PIGK: variants seen among roughly 807,000 people sequenced by gnomAD.
PIGK encodes the protein phosphatidylinositol glycan anchor biosynthesis class K, also known as GPI-anchor transamidase.
Under a neutral mutation model 50.6 loss-of-function variants are expected in PIGK, and 42 were observed. The observed-to-expected ratio is 0.83, with a 90% confidence interval of 0.65 to 1.07. The LOEUF is 1.07. Ranked by LOEUF, PIGK falls within the 50% of genes least tolerant of loss-of-function variation. The pLI is 0.00. For synonymous variants in PIGK, 151 were observed against 156.0 expected (o/e 0.97, Z 0.24); for missense variants, 448 against 488.7 (o/e 0.92, Z 0.78).
chr1:77,166,138 T>C (rs1019261258), intron 5 of PIGK, among the ~76,000 whole-genome samples: 1 of 152,214 alleles, frequency 6.6e-6, no homozygotes, highest in Non-Finnish European at 1.5e-5. Context: ...CATATATTAT[T>C]ATGTGTAATA....
Position 77,161,406 on chromosome 1 carries a change from C to A in PIGK, c.703-1G>T. The A allele has an allele frequency of 6.6e-7, 1 of 1,514,970 alleles. No individual in the cohort carries two copies. The highest frequency in any genetic ancestry group is 2.3e-5 in the East Asian group (1 of 44,306). The allele number at this position is 1,514,970 out of a possible 1,614,324, so 93.8% of individuals were successfully genotyped here. A position where few individuals can be genotyped will look rare whatever the true frequency, so the allele number is the denominator to read the frequency against. On this transcript the variant is annotated splice_acceptor_variant, in intron 7 of 10. Coordinates refer to ENST00000370812, the MANE Select transcript of PIGK (RefSeq NM_005482.3). LOFTEE classifies it high-confidence loss of function. ...CTCCAATTGCAGGATCAGGTTGATGCTATGGAAAGGGGGAAAAAAAGTATT... is the reference window on the plus strand; with the variant it reads ...CTCCAATTGCAGGATCAGGTTGATGATATGGAAAGGGGGAAAAAAAGTATT...
rs553920674 is a variant in PIGK at position 77,149,004 on chromosome 1, C to T, written c.986+5445G>A. On this transcript the variant is annotated intron_variant, in intron 9 of 10. Coordinates refer to ENST00000370812, the MANE Select transcript of PIGK (RefSeq NM_005482.3). ...TGCTGGGATTACAGGCGTGAGCCAC[C>T]ACGCCCAGCCATATCAGTTTTAAAT... is the stretch of plus-strand genomic sequence containing the variant. Among the ~76,000 whole-genome samples the T allele has an allele frequency of 1.3e-4, 20 of 152,148 alleles. No homozygotes were observed. In the South Asian group the frequency reaches 3.9e-3, roughly 30 times the overall value.
In PIGK at chr1:77,154,573, T is replaced by G. The variant is rs1036709266; in HGVS notation, c.862A>C (p.Thr288Pro). 3 of 1,612,830 alleles carry G rather than the reference T, an allele frequency of 1.9e-6. No homozygotes were observed. The highest frequency in any genetic ancestry group is 1.7e-6 in the Non-Finnish European group (2 of 1,179,150). The part of the protein sequence containing the change: ...SLCVSTPGHR[T>P]DLFQRDPKNV... ...TTAGGATCCCTCTGAAAAAGATCAG[T>G]GCGATGTCCAGGAGTAGACACACAC... The change falls in exon 9 of 11, where the codon ACT becomes CCT. Residue 288 changes from threonine to proline, a missense_variant. Transcript: ENST00000370812.
In PIGK at chr1:77,090,978, A is replaced by G. The variant is rs971564982; in HGVS notation, c.*1396T>C. 2.0e-5 allele frequency: 3 copies of G among 152,238 alleles called. No homozygotes were observed. The highest frequency in any genetic ancestry group is 2.0e-4 in the Admixed American group (3 of 15,278). 9.4% of individuals were successfully genotyped at this position (152,238 alleles called of 1,614,324 possible). On this transcript the variant is annotated 3_prime_UTR_variant, in exon 11 of 11. Transcript: ENST00000370812. ...TTGCATGCAATTAAAAGGTAATATT[A>G]TAAGTGCAAAAGGAAAAACAAATCT...
At chr1:77,147,775 C>G (rs1003339277) in intron 9 of PIGK, among the ~76,000 whole-genome samples, 10 of 152,212 alleles carry the variant, frequency 6.6e-5, no homozygotes, top group Non-Finnish European at 8.8e-5. Flanking sequence ...TACAATCAGT[C>G]CTTATTTTAC....
rs375614948 is a variant in PIGK at position 77,163,881 on chromosome 1, G to A, written c.549C>T (p.Leu183=). Residue 183 remains leucine (L), a synonymous_variant, in exon 6 of 11, where the codon CTC becomes CTT. Transcript: ENST00000370812. ...GCCACATTTGTTCAAAAGCATCCGC[G>A]AGTTCTATGTTGGTAATTTCTTCAG... ...QDSEEITNIE[L]ADAFEQMWQK... 25 of 1,609,204 alleles carry A rather than the reference G, an allele frequency of 1.6e-5. No individual in the cohort carries two copies. Among genetic ancestry groups the A allele is most frequent in the African/African-American group, 4.0e-5 (3 of 74,870 alleles).
intron 9 of PIGK, among the ~76,000 whole-genome samples, chr1:77,139,666 A>T (rs548542531): frequency 6.6e-6 from 1 of 152,190 alleles, no homozygotes; most frequent in Non-Finnish European, 1.5e-5. Flanking sequence ...CTCTGCTTCA[A>T]TGTGGAAGAA....
intron 10 of PIGK, among the ~76,000 whole-genome samples, chr1:77,097,155 A>T (rs891914967): frequency 2.0e-5 from 3 of 152,094 alleles, no homozygotes; most frequent in African/African-American, 7.2e-5. Flanking sequence ...TTTTTCTAAC[A>T]ATGGCATAAG....
At chr1:77,116,977 T>C (rs939240311) in intron 10 of PIGK, among the ~76,000 whole-genome samples, 4 of 152,238 alleles carry the variant, frequency 2.6e-5, no homozygotes, top group Admixed American at 2.0e-4. Context: ...TTTCTGTTGC[T>C]CTAACTAAAT....
intron 1 of PIGK, among the ~76,000 whole-genome samples, chr1:77,218,231 T>G (rs1438246145): frequency 6.6e-6 from 1 of 152,346 alleles, no homozygotes; most frequent in East Asian, 1.9e-4. Flanking sequence ...ATGCAATTAA[T>G]AAATATTTAA....
In PIGK at chr1:77,128,190, C is replaced by T. The variant is rs1193279290; in HGVS notation, c.987-5831G>A. On this transcript the variant is annotated intron_variant, in intron 9 of 10. Transcript: ENST00000370812. The stretch of plus-strand genomic sequence containing the variant: ...CATCACTATTTTTCTAATTATCAAA[C>T]TAAAAACTTGTGAGAGAAGATATGA... Among the ~76,000 whole-genome samples the T allele has an allele frequency of 2.0e-5, 3 of 152,018 alleles. No homozygotes were observed. The East Asian group carries it at 5.8e-4, about 29-fold the overall frequency.
At chr1:77,193,938 C>A (rs1359521363) in intron 3 of PIGK, among the ~76,000 whole-genome samples, 1 of 152,062 alleles carries the variant, frequency 6.6e-6, no homozygotes, top group Non-Finnish European at 1.5e-5. Context: ...AACTATGCAT[C>A]TAACAAAGGT....
chr1:77,178,160 C>G (rs967225097), intron 3 of PIGK, among the ~76,000 whole-genome samples: 1 of 152,148 alleles, frequency 6.6e-6, no homozygotes, highest in East Asian at 1.9e-4. Context: ...TATGCCTTGA[C>G]AGATAAAAAA....
chr1:77,147,570 T>C (rs1177666527), intron 9 of PIGK, among the ~76,000 whole-genome samples: 1 of 152,228 alleles, frequency 6.6e-6, no homozygotes, highest in East Asian at 1.9e-4. Context: ...ACCTGGAGGA[T>C]ATCTTCCTAA....
chr1:77,153,041 A>G (rs144647380), intron 9 of PIGK, among the ~76,000 whole-genome samples: 12 of 152,286 alleles, frequency 7.9e-5, no homozygotes, highest in East Asian at 7.7e-4. Flanking sequence ...GGAAATCAGT[A>G]TACTGAAGAG....
chr1:77,098,957 A>G (rs1193814026), intron 10 of PIGK, among the ~76,000 whole-genome samples: 1 of 152,196 alleles, frequency 6.6e-6, no homozygotes. Context: ...TTTTCTGGAA[A>G]ATAACCCATT....
At chr1:77,140,493 C>T (rs1261724987) in intron 9 of PIGK, among the ~76,000 whole-genome samples, 1 of 152,090 alleles carries the variant, frequency 6.6e-6, no homozygotes, top group Non-Finnish European at 1.5e-5. Flanking sequence ...GACTGCAGAA[C>T]AATAAGCCAA....
intron 3 of PIGK, among the ~76,000 whole-genome samples, chr1:77,175,051 T>C (rs1043999899): frequency 1.3e-5 from 2 of 152,218 alleles, no homozygotes; most frequent in Non-Finnish European, 2.9e-5. Context: ...TAAAGCTTTT[T>C]AGTTCACGTA....
chr1:77,134,005 T>C (rs1654443688), intron 9 of PIGK, among the ~76,000 whole-genome samples: 1 of 152,164 alleles, frequency 6.6e-6, no homozygotes, highest in African/African-American at 2.4e-5. Context: ...CGCAGAGGTA[T>C]GTGACTTTTC....
Sources: allele counts gnomAD v4.1 joint callset (sites outside exome capture counted in the v4.1 genomes callset), GRCh38; gene constraint gnomAD v4.1.1; transcripts MANE v1.5; gene names NCBI Gene and HGNC (gene_info 2026-07-23, HGNC 2026-07-21).